STK33: variants seen among roughly 807,000 people sequenced by gnomAD.
STK33 encodes serine/threonine kinase 33, also known as serine/threonine-protein kinase 33.
In STK33, 52 loss-of-function variants were observed where a neutral mutation model predicts 58.0. The observed-to-expected ratio is 0.90, with a 90% confidence interval of 0.72 to 1.13. STK33 has a LOEUF of 1.13. Ranked by LOEUF, STK33 falls within the 50% of genes most tolerant of loss-of-function variation. The pLI is 0.00. For missense variants in STK33, 630 were observed against 604.2 expected (o/e 1.04, Z -0.45); for synonymous variants, 215 against 200.1 (o/e 1.07, Z -0.63).
chr11:8,410,811 A>G lies in STK33; in HGVS notation c.1344+2684T>C, dbSNP rs148442145. ...TTTTCATTAAACAAATTCATTCAAG[A>G]CTGTGTTAAATAAACAATTTTATAA... is the stretch of plus-strand genomic sequence containing the variant. On this transcript the variant is annotated intron_variant, in intron 15 of 15. Transcript: ENST00000687296. 2.4e-4 allele frequency among the ~76,000 whole-genome samples: 37 copies of G among 152,154 alleles called. No homozygotes were observed. In the East Asian group the frequency reaches 7.1e-3, roughly 29 times the overall value.
the STK33 span, among the ~76,000 whole-genome samples, chr11:8,382,865 C>G: frequency 6.6e-6 from 1 of 152,194 alleles, no homozygotes; most frequent in African/African-American, 2.4e-5. Context: ...CTCTGTGACT[C>G]AGACCCAACC....
chr11:8,404,208 G>C (rs1938665517), intron 15 of STK33, among the ~76,000 whole-genome samples: 1 of 152,120 alleles, frequency 6.6e-6, no homozygotes, highest in African/African-American at 2.4e-5. Context: ...TAAAGATCTG[G>C]GTCTTGTGTG....
chr11:8,409,279 CACA>C (rs1273200631), intron 15 of STK33, among the ~76,000 whole-genome samples: 1 of 152,172 alleles, frequency 6.6e-6, no homozygotes, highest in Non-Finnish European at 1.5e-5. Context: ...AGATCTGTTC[CACA>C]AATCTCCACA....
At chr11:8,514,670 C>T (rs1041816933) in intron 1 of STK33, among the ~76,000 whole-genome samples, 1 of 152,206 alleles carries the variant, frequency 6.6e-6, no homozygotes, top group African/African-American at 2.4e-5. Flanking sequence ...TGACGTGATC[C>T]TGGACTGGTT....
chr11:8,387,128 T>C (rs537177732), downstream of STK33, among the ~76,000 whole-genome samples: 9 of 152,330 alleles, frequency 5.9e-5, no homozygotes, highest in East Asian at 1.7e-3. Flanking sequence ...AGTGCTTGAG[T>C]CTCGACCAAA....
intron 14 of STK33, among the ~76,000 whole-genome samples, chr11:8,433,563 T>G (rs1473826552): frequency 6.6e-6 from 1 of 152,218 alleles, no homozygotes; most frequent in African/African-American, 2.4e-5. Flanking sequence ...ACCACTTGGA[T>G]GCCACATAAG....
chr11:8,456,197 T>C (rs1314485367), intron 9 of STK33, among the ~76,000 whole-genome samples: 1 of 152,248 alleles, frequency 6.6e-6, no homozygotes, highest in African/African-American at 2.4e-5. Flanking sequence ...AATAGCATAA[T>C]ATTAAGCCCT....
chr11:8,583,145 G>A (rs924021210), intron 1 of STK33, among the ~76,000 whole-genome samples: 3 of 152,110 alleles, frequency 2.0e-5, no homozygotes, highest in Admixed American at 6.5e-5. Flanking sequence ...TTACAGATAC[G>A]TCTAGTCCTT....
At chr11:8,441,374 C>G (rs1369853264) in intron 11 of STK33, among the ~76,000 whole-genome samples, 2 of 150,446 alleles carry the variant, frequency 1.3e-5, no homozygotes, top group Admixed American at 1.3e-4. Context: ...TTTTTTGAGA[C>G]AGGGTCTCAC....
chr11:8,428,620 C>T (rs565675678), intron 14 of STK33, among the ~76,000 whole-genome samples: 2 of 152,186 alleles, frequency 1.3e-5, no homozygotes, highest in Non-Finnish European at 2.9e-5. Context: ...CTGCATGACA[C>T]TACTATGTCA....
intron 7 of STK33, among the ~76,000 whole-genome samples, chr11:8,462,340 AAAC>A: frequency 6.6e-6 from 1 of 151,660 alleles, no homozygotes; most frequent in South Asian, 2.1e-4. Flanking sequence ...GGAAGAAAAA[AAAC>A]AAAAAGTTTT....
the STK33 span, among the ~76,000 whole-genome samples, chr11:8,369,585 C>T: frequency 3.3e-5 from 5 of 152,042 alleles, no homozygotes; most frequent in Non-Finnish European, 5.9e-5. Context: ...CTCAGTTCTC[C>T]CACCTCCTCT....
the STK33 span, among the ~76,000 whole-genome samples, chr11:8,352,966 C>G: frequency 6.6e-6 from 1 of 152,214 alleles, no homozygotes; most frequent in East Asian, 1.9e-4. Context: ...CTCATGAGCA[C>G]CCGTGCTGTG....
intron 15 of STK33, among the ~76,000 whole-genome samples, chr11:8,403,579 ATC>A (rs1414684324): frequency 1.3e-5 from 2 of 152,232 alleles, no homozygotes; most frequent in Non-Finnish European, 2.9e-5. Flanking sequence ...ATTGTTCTTC[ATC>A]TCTGGCAAAT....
At chr11:8,359,024 G>A in the STK33 span, among the ~76,000 whole-genome samples, 9 of 152,122 alleles carry the variant, frequency 5.9e-5, no homozygotes, top group South Asian at 2.1e-4. Flanking sequence ...CACAGCCTGC[G>A]TTGACCCTTG....
chr11:8,533,183 C>T (rs1441721867), intron 1 of STK33, among the ~76,000 whole-genome samples: 1 of 152,152 alleles, frequency 6.6e-6, no homozygotes, highest in Non-Finnish European at 1.5e-5. Flanking sequence ...ACATTAACAC[C>T]CTTTTCCCAT....
chr11:8,477,167 CACACACACAT>C (rs1378824820), intron 3 of STK33, 73 bp downstream of exon 3: 2 of 152,040 alleles, frequency 1.3e-5, no homozygotes, highest in African/African-American at 4.8e-5. Flanking sequence ...CACACACACA[CACACACACAT>C]ACACATCTCT....
intron 1 of STK33, among the ~76,000 whole-genome samples, chr11:8,497,108 C>A (rs924952227): frequency 6.6e-6 from 1 of 152,034 alleles, no homozygotes; most frequent in African/African-American, 2.4e-5. Flanking sequence ...TTCAGAGACA[C>A]CTGTGGGATA....
chr11:8,423,323 A>G (rs1231626071), intron 14 of STK33, among the ~76,000 whole-genome samples: 1 of 151,668 alleles, frequency 6.6e-6, no homozygotes, highest in Non-Finnish European at 1.5e-5. Context: ...AAATTCTGAA[A>G]TTTTTAGATA....
Sources: allele counts gnomAD v4.1 joint callset (sites outside exome capture counted in the v4.1 genomes callset), GRCh38; gene constraint gnomAD v4.1.1; transcripts MANE v1.5; gene names NCBI Gene and HGNC (gene_info 2026-07-23, HGNC 2026-07-21).